Variants in CD2AP observed in about 807,000 individuals in gnomAD.
CD2AP encodes the protein CD2 associated protein, also known as CD2-associated protein.
In CD2AP, 46 loss-of-function variants were observed where a neutral mutation model predicts 85.1. That is an observed-to-expected ratio of 0.54 (90% CI 0.43 to 0.69). The LOEUF (loss-of-function observed/expected upper bound fraction) is 0.69. CD2AP is among the 30% of genes least tolerant of loss of function. The pLI, the probability that CD2AP is intolerant of heterozygous loss-of-function variation, is 0.00. For synonymous variants in CD2AP, 255 were observed against 252.9 expected (o/e 1.01, Z -0.08); for missense variants, 769 against 729.5 (o/e 1.05, Z -0.62).
At position 47,533,728 on chromosome 6, in the gene CD2AP, C is replaced by T. The variant is rs768444308; in HGVS notation, c.292C>T (p.His98Tyr). Residue 98 changes from histidine to tyrosine, a missense_variant, in exon 3 of 18, where the codon CAT (histidine) becomes TAT (tyrosine). His to Tyr is a moderately conservative substitution (Grantham distance 83). Transcript: ENST00000359314. ...ACTTCCAGCTGGAGGAATTCAGCCA[C>T]ATCCACAAACCAAAAACATTAAGAA... is the stretch of plus-strand genomic sequence containing the variant. ...YGLPAGGIQP[H>Y]PQTKNIKKKT... 22 of 1,613,966 alleles carry T rather than the reference C, an allele frequency of 1.4e-5. No individual in the cohort carries two copies. In the South Asian group the frequency reaches 2.1e-4, roughly 15 times the overall value.
At chr6:47,478,536 C>T (rs1460738227) in intron 1 of CD2AP, among the ~76,000 whole-genome samples, 1 of 152,172 alleles carries the variant, frequency 6.6e-6, no homozygotes, top group African/African-American at 2.4e-5. Context: ...CTGGCCACCT[C>T]TGCTAACCCC....
chr6:47,503,674 G>C (rs969848123), intron 2 of CD2AP, among the ~76,000 whole-genome samples: 2 of 152,130 alleles, frequency 1.3e-5, no homozygotes, highest in African/African-American at 4.8e-5. Context: ...ATGGTTGTGT[G>C]TATCTACCTG....
rs991258804 is a variant in CD2AP at position 47,491,771 on chromosome 6, A to T, written c.5-11509A>T. Among the ~76,000 whole-genome samples, 6 of 152,214 alleles carry T rather than the reference A, an allele frequency of 3.9e-5. No individual in the cohort carries two copies. The South Asian group carries it at 1.2e-3, about 32-fold the overall frequency. On this transcript the variant is annotated intron_variant, in intron 1 of 17. Coordinates refer to ENST00000359314, the MANE Select transcript of CD2AP (RefSeq NM_012120.3). ...ATTTAAAAAAATTATGGATTTTAAGATTTTTAAGCTTGATCTTCAGATATC... is the reference window on the plus strand; with the variant it reads ...ATTTAAAAAAATTATGGATTTTAAGTTTTTTAAGCTTGATCTTCAGATATC...
chr6:47,616,974 A>G (rs1769608810), intron 17 of CD2AP, among the ~76,000 whole-genome samples: 1 of 151,480 alleles, frequency 6.6e-6, no homozygotes, highest in African/African-American at 2.4e-5. Context: ...TACTTTTTTA[A>G]TTTTGTTTTT....
intron 1 of CD2AP, among the ~76,000 whole-genome samples, chr6:47,502,020 G>A (rs899640877): frequency 6.6e-6 from 1 of 152,194 alleles, no homozygotes; most frequent in Admixed American, 6.5e-5. Flanking sequence ...TTGCACTGAA[G>A]ATGGTGGCCA....
chr6:47,499,054 A>G (rs888981297), intron 1 of CD2AP, among the ~76,000 whole-genome samples: 1 of 152,210 alleles, frequency 6.6e-6, no homozygotes, highest in African/African-American at 2.4e-5. Flanking sequence ...CCCTTTTGAT[A>G]TCACTTCTGT....
At chr6:47,558,428 T>C (rs1182476968) in intron 5 of CD2AP, among the ~76,000 whole-genome samples, 1 of 152,250 alleles carries the variant, frequency 6.6e-6, no homozygotes, top group Non-Finnish European at 1.5e-5. Context: ...CTTCCAACTT[T>C]TGCCCATTCA....
chr6:47,532,570 G>A (rs1378716031), intron 2 of CD2AP, among the ~76,000 whole-genome samples: 1 of 151,856 alleles, frequency 6.6e-6, no homozygotes, highest in African/African-American at 2.4e-5. Flanking sequence ...TGTTTTAAAT[G>A]AAGTTTGTCT....
intron 11 of CD2AP, among the ~76,000 whole-genome samples, chr6:47,593,123 GGTT>G (rs1768847019): frequency 6.6e-6 from 1 of 152,104 alleles, no homozygotes; most frequent in African/African-American, 2.4e-5. Flanking sequence ...CCAGATAATT[GGTT>G]GTTGTGGGAA....
At chr6:47,494,040 AT>A (rs1765795816) in intron 1 of CD2AP, among the ~76,000 whole-genome samples, 1 of 152,216 alleles carries the variant, frequency 6.6e-6, no homozygotes, top group African/African-American at 2.4e-5. Flanking sequence ...ACTAAAAAAA[AT>A]GTGTTGTATC....
Position 47,625,505 on chromosome 6 carries a change from T to A in CD2AP, c.*1278T>A, listed in dbSNP as rs1769885186. On this transcript the variant is annotated 3_prime_UTR_variant, in exon 18 of 18. Transcript: ENST00000359314. ...ATGAACAGTTGAATGCTTTAAAATG[T>A]TCTGTCTGTAGGTAACATCTAAAAC... 1.3e-5 allele frequency: 2 copies of A among 151,924 alleles called. No homozygotes were observed. Among genetic ancestry groups the A allele is most frequent in the African/African-American group, 4.8e-5 (2 of 41,442 alleles). 9.4% of individuals were successfully genotyped at this position (151,924 alleles called of 1,614,324 possible). A position where few individuals can be genotyped will look rare whatever the true frequency, so the allele number is the denominator to read the frequency against.
intron 5 of CD2AP, among the ~76,000 whole-genome samples, chr6:47,573,725 G>A (rs936240144): frequency 8.6e-5 from 13 of 151,900 alleles, no homozygotes; most frequent in African/African-American, 2.9e-4. Context: ...TCCTGACCTC[G>A]TGATCTGCCA....
intron 1 of CD2AP, among the ~76,000 whole-genome samples, chr6:47,481,357 TG>T (rs1276865107): frequency 6.6e-6 from 1 of 152,174 alleles, no homozygotes; most frequent in Non-Finnish European, 1.5e-5. Flanking sequence ...TTTGTTTGTT[TG>T]TTTTTTTGAT....
At chr6:47,589,400 A>G (rs1285687235) in intron 11 of CD2AP, among the ~76,000 whole-genome samples, 1 of 151,702 alleles carries the variant, frequency 6.6e-6, no homozygotes. Flanking sequence ...ACACAAATGT[A>G]TATACACACA....
At position 47,625,186 on chromosome 6, in the gene CD2AP, T is replaced by C. The variant is rs1769879375; in HGVS notation, c.*959T>C. Reference sequence around the variant, plus strand: ...TTCTTCATGTTTCTCCTTCTGACTTTTAATAATGGTAATAGGAAAACAAAA... The same window carrying C: ...TTCTTCATGTTTCTCCTTCTGACTTCTAATAATGGTAATAGGAAAACAAAA... On this transcript the variant is annotated 3_prime_UTR_variant, in exon 18 of 18. Transcript: ENST00000359314. 6.6e-6 allele frequency: 1 copy of C among 151,878 alleles called. No individual in the cohort carries two copies. Among genetic ancestry groups the C allele is most frequent in the Admixed American group, 6.6e-5 (1 of 15,256 alleles). The allele number at this position is 151,878 out of a possible 1,614,324, so 9.4% of individuals were successfully genotyped here.
rs1025417758 is a variant in CD2AP at position 47,595,987 on chromosome 6, G to A, written c.1235G>A (p.Arg412Gln). The A allele has an allele frequency of 6.8e-6, 11 of 1,612,546 alleles. No homozygotes were observed. Among genetic ancestry groups the A allele is most frequent in the South Asian group, 1.1e-5 (1 of 91,036 alleles). Residue 412 changes from arginine (R) to glutamine (Q), a missense_variant, in exon 12 of 18, where the codon CGA becomes CAA. Transcript: ENST00000359314. ...LRSSGTVYPKRPEKPVPPPPP... is the reference protein window; with the variant it reads ...LRSSGTVYPKQPEKPVPPPPP... ...TCTTCTGGAACAGTGTACCCAAAGC[G>A]ACCTGAAAAACCAGTTCCTCCACCA... is the stretch of plus-strand genomic sequence containing the variant.
chr6:47,534,779 A>G (rs1176627303), intron 3 of CD2AP, among the ~76,000 whole-genome samples: 2 of 151,962 alleles, frequency 1.3e-5, no homozygotes, highest in Non-Finnish European at 2.9e-5. Context: ...CAGTAAAACC[A>G]GAAGACCCTT....
intron 2 of CD2AP, among the ~76,000 whole-genome samples, chr6:47,529,853 C>T (rs557726365): frequency 6.6e-6 from 1 of 152,352 alleles, no homozygotes; most frequent in South Asian, 2.1e-4. Context: ...TTTATATCAG[C>T]CGTCTGCTCG....
At chr6:47,528,051 T>C (rs1311969370) in intron 2 of CD2AP, among the ~76,000 whole-genome samples, 1 of 152,226 alleles carries the variant, frequency 6.6e-6, no homozygotes, top group Non-Finnish European at 1.5e-5. Flanking sequence ...TTCAATAGTG[T>C]GATTCAGATA....
Sources: allele counts gnomAD v4.1 joint callset (sites outside exome capture counted in the v4.1 genomes callset), GRCh38; gene constraint gnomAD v4.1.1; transcripts MANE v1.5; gene names NCBI Gene and HGNC (gene_info 2026-07-23, HGNC 2026-07-21).